DIP2C: variants seen among roughly 807,000 people sequenced by gnomAD.
DIP2C encodes the protein DIP2 acetate--CoA ligase C (putative), also known as disco-interacting protein 2 homolog C.
Under a neutral mutation model 192.4 loss-of-function variants are expected in DIP2C, and 33 were observed. The observed-to-expected ratio is 0.17, with a 90% CI of 0.13 to 0.23. DIP2C has a LOEUF of 0.23. Ranked by LOEUF, DIP2C falls within the 10% of genes least tolerant of loss-of-function variation. The probability of loss-of-function intolerance (pLI) is 1.00; values close to 1 mark genes in which losing one functional copy is unlikely to be tolerated. For missense variants in DIP2C, 1,537 were observed against 2,110.1 expected (o/e 0.73, Z 5.32); for synonymous variants, 979 against 864.1 (o/e 1.13, Z -2.33).
At chr10:436,171 G>A (rs561082961) in intron 4 of DIP2C, among the ~76,000 whole-genome samples, 1 of 152,336 alleles carries the variant, frequency 6.6e-6, no homozygotes, top group East Asian at 1.9e-4. Context: ...AGATCATCTT[G>A]CATGTGTGTC....
intron 10 of DIP2C, among the ~76,000 whole-genome samples, chr10:398,138 T>C (rs769834335): frequency 6.6e-6 from 1 of 152,228 alleles, no homozygotes; most frequent in Admixed American, 6.5e-5. Flanking sequence ...CTACATTCTG[T>C]AGACAATCTC....
intron 26 of DIP2C, among the ~76,000 whole-genome samples, chr10:348,172 C>A (rs894745925): frequency 6.6e-6 from 1 of 152,250 alleles, no homozygotes; most frequent in Non-Finnish European, 1.5e-5. Flanking sequence ...CTGTTCTCCC[C>A]TGTACTTCCT....
intron 31 of DIP2C, among the ~76,000 whole-genome samples, chr10:323,413 G>A (rs867869846): frequency 6.0e-5 from 7 of 116,586 alleles, no homozygotes; most frequent in South Asian, 3.2e-4. Flanking sequence ...GCGAGAGACC[G>A]GCGCTGTTAG....
In DIP2C at chr10:480,686, C is replaced by T. The variant is rs966631079; in HGVS notation, c.157+5773G>A. Among the ~76,000 whole-genome samples, 23 of 152,348 alleles carry T rather than the reference C, an allele frequency of 1.5e-4. No individual in the cohort carries two copies. In the East Asian group the frequency reaches 1.9e-3, roughly 13 times the overall value. On this transcript the variant is annotated intron_variant, in intron 2 of 36. Transcript: ENST00000280886. ...GCTGCACTCCCTCCATAGCGGCTGG[C>T]GCCTAAGACGAGGAATGCGATTCAT...
Position 341,287 on chromosome 10 carries a change from G to T in DIP2C, c.3496C>A (p.Leu1166Met). 2 of 1,614,202 alleles carry T rather than the reference G, an allele frequency of 1.2e-6. No homozygotes were observed. Among genetic ancestry groups the T allele is most frequent in the Non-Finnish European group, 1.7e-6 (2 of 1,180,044 alleles). Residue 1166 changes from leucine (L) to methionine (M), a missense_variant, in exon 29 of 37, where the codon CTG (leucine) becomes ATG (methionine). Leu to Met is a conservative substitution (Grantham distance 15, BLOSUM62 2). Around this residue, in one of 4 missense-constraint regions of DIP2C, gnomAD observed 341 missense variants for 551.7 expected, o/e 0.62. Coordinates refer to ENST00000280886, the MANE Select transcript of DIP2C (RefSeq NM_014974.3). ...CTAGAGGGGTAAAGTTCACACTGCA[G>T]CTTAATGGAACGGCAGAAGGCACTG... Reference protein sequence around the residue: ...ATSAFCRSIKLQCELYPSREV... With the variant: ...ATSAFCRSIKMQCELYPSREV...
chr10:510,428 A>G (rs1440607063), intron 1 of DIP2C, among the ~76,000 whole-genome samples: 1 of 152,202 alleles, frequency 6.6e-6, no homozygotes, highest in Non-Finnish European at 1.5e-5. Context: ...GTGCACGTAC[A>G]TGCTCAGCTG....
chr10:519,056 T>C (rs986934020), intron 1 of DIP2C, among the ~76,000 whole-genome samples: 1 of 152,202 alleles, frequency 6.6e-6, no homozygotes, highest in Non-Finnish European at 1.5e-5. Context: ...GCTTTGCAGA[T>C]TGTCCTTCAA....
intron 4 of DIP2C, among the ~76,000 whole-genome samples, chr10:424,167 G>A (rs528775362): frequency 8.9e-4 from 135 of 152,218 alleles, no homozygotes; most frequent in Middle Eastern, 3.4e-3. Flanking sequence ...TCCAGCCATC[G>A]GGTGAGAGGA....
chr10:312,684 TTC>T (rs563313850), intron 31 of DIP2C, among the ~76,000 whole-genome samples: 121 of 152,328 alleles, frequency 7.9e-4, no homozygotes, highest in Non-Finnish European at 1.6e-3. Flanking sequence ...ATGGCTACTC[TTC>T]TCTCTCAGCA....
chr10:398,333 T>A (rs1005095238), intron 10 of DIP2C, among the ~76,000 whole-genome samples: 2 of 152,216 alleles, frequency 1.3e-5, no homozygotes, highest in Non-Finnish European at 2.9e-5. Context: ...TTCTATTGAT[T>A]TCAGGGCTTT....
At chr10:379,244 C>T (rs369763780) in intron 17 of DIP2C, among the ~76,000 whole-genome samples, 1 of 148,122 alleles carries the variant, frequency 6.8e-6, no homozygotes. Flanking sequence ...GTACGCCCTG[C>T]CCCGCTACCC....
chr10:316,136 C>T (rs1019652914), intron 31 of DIP2C, among the ~76,000 whole-genome samples: 1 of 152,176 alleles, frequency 6.6e-6, no homozygotes, highest in African/African-American at 2.4e-5. Context: ...CAGCATGTCT[C>T]TTCTACTGAC....
rs572538049 is a variant in DIP2C, at chr10:406,748, G to A, written c.1149+2178C>T. Among the ~76,000 whole-genome samples, 779 of 152,200 alleles carry A rather than the reference G, an allele frequency of 5.1e-3. 4 individuals carry two copies. The highest frequency in any genetic ancestry group is 0.023 in the South Asian group (112 of 4,812). ...TTAGAAATTACTGCATGACCCTAAA[G>A]GGGTCATGCAGCCTCTGGCTCCAAC... On this transcript the variant is annotated intron_variant, in intron 9 of 36. Transcript: ENST00000280886.
chr10:423,970 AACAAAAT>A (rs1258703400), intron 4 of DIP2C, among the ~76,000 whole-genome samples: 1 of 152,222 alleles, frequency 6.6e-6, no homozygotes, highest in East Asian at 1.9e-4. Flanking sequence ...CTTGGATTAT[AACAAAAT>A]ACATCAATTT....
chr10:661,959 A>G lies in DIP2C; in HGVS notation c.85+27535T>C, dbSNP rs1383625496. 8.6e-6 allele frequency: 6 copies of G among 701,576 alleles called. No homozygotes were observed. The East Asian group carries it at 1.6e-4, about 19-fold the overall frequency. 43.5% of individuals were successfully genotyped at this position (701,576 alleles called of 1,614,324 possible). On this transcript the variant is annotated intron_variant, in intron 1 of 36. Transcript: ENST00000280886. ...GCACTCCCTCTTCCCCTCCTGACCC[A>G]GGCACTGAATCGCTCAGCTCACTGG...
intron 1 of DIP2C, among the ~76,000 whole-genome samples, chr10:550,235 C>G (rs573225226): frequency 1.3e-5 from 2 of 152,260 alleles, no homozygotes; most frequent in East Asian, 1.9e-4. Flanking sequence ...GTCTCGAACT[C>G]CTGACCTCAC....
chr10:594,346 C>A (rs1851572942), intron 1 of DIP2C, among the ~76,000 whole-genome samples: 1 of 152,204 alleles, frequency 6.6e-6, no homozygotes, highest in South Asian at 2.1e-4. Flanking sequence ...AATGACCTGG[C>A]ACGGCCGAGT....
At chr10:288,969 A>G (rs965320608) in intron 32 of DIP2C, among the ~76,000 whole-genome samples, 2 of 152,244 alleles carry the variant, frequency 1.3e-5, no homozygotes, top group Non-Finnish European at 2.9e-5. Flanking sequence ...AATCTTAAGA[A>G]CTGCCAAGGA....
chr10:640,734 TGG>T (rs1855141267), intron 1 of DIP2C, among the ~76,000 whole-genome samples: 1 of 2,140 alleles, frequency 4.7e-4, no homozygotes, highest in South Asian at 0.019. Context: ...GGGAAGAGGG[TGG>T]GCGCCGGGAA....
Sources: allele counts gnomAD v4.1 joint callset (sites outside exome capture counted in the v4.1 genomes callset), GRCh38; gene constraint gnomAD v4.1.1; regional missense constraint gnomAD v4.1.1; transcripts MANE v1.5; gene names NCBI Gene and HGNC (gene_info 2026-07-23, HGNC 2026-07-21).